PARD3: variants seen among roughly 807,000 people sequenced by gnomAD.
PARD3 encodes the protein partitioning defective 3 homolog.
In PARD3, 75 loss-of-function variants were observed where a neutral mutation model predicts 155.4. That is an observed-to-expected ratio of 0.48 (90% CI 0.40 to 0.58). The LOEUF is 0.58. Ranked by LOEUF, PARD3 falls within the 20% of genes least tolerant of loss-of-function variation. The pLI is 0.00. For missense variants in PARD3, 1,642 were observed against 1,721.7 expected, an observed-to-expected ratio of 0.95 and a Z score of 0.82; for synonymous variants, 576 against 610.5, an observed-to-expected ratio of 0.94 and a Z score of 0.83.
At chr10:34,179,168 G>GCACACA (rs72378504) in intron 22 of PARD3, among the ~76,000 whole-genome samples, 62 of 94,570 alleles carry the variant, frequency 6.6e-4, no homozygotes, top group East Asian at 2.0e-3. Context: ...GTGCGTGCGC[G>GCACACA]CACACACACA....
chr10:34,470,114 C>G lies in PARD3; in HGVS notation c.553G>C (p.Ala185Pro), dbSNP rs1564748608. The G allele has an allele frequency of 1.9e-6, 3 of 1,611,930 alleles. No individual in the cohort carries two copies. The highest frequency in any genetic ancestry group is 2.5e-6 in the Non-Finnish European group (3 of 1,179,086). ...TTAGFLKQNTAGSPKTCDRKK... is the reference protein window; with the variant it reads ...TTAGFLKQNTPGSPKTCDRKK... The stretch of plus-strand genomic sequence containing the variant: ...CTGTCGCAGGTTTTAGGACTCCCAG[C>G]AGTGTTCTGCTTGAGGAAGCCAGCT... The change falls in exon 4 of 25, where the codon GCT becomes CCT. Residue 185 changes from alanine to proline, a missense_variant. Coordinates refer to ENST00000374788, the MANE Select transcript of PARD3 (RefSeq NM_001184785.2).
At chr10:34,216,983 T>C (rs1224822739) in intron 22 of PARD3, among the ~76,000 whole-genome samples, 2 of 152,238 alleles carry the variant, frequency 1.3e-5, no homozygotes, top group Non-Finnish European at 2.9e-5. Context: ...TTTATATAAA[T>C]ATTTGTCTCT....
chr10:34,772,037 T>C (rs989009987), intron 1 of PARD3, among the ~76,000 whole-genome samples: 4 of 152,150 alleles, frequency 2.6e-5, no homozygotes, highest in Admixed American at 6.6e-5. Context: ...CCTACATTCA[T>C]CTCGCCCAAC....
intron 20 of PARD3, among the ~76,000 whole-genome samples, chr10:34,295,965 C>T (rs192489657): frequency 1.2e-4 from 19 of 152,192 alleles, no homozygotes; most frequent in East Asian, 3.9e-4. Flanking sequence ...GTGAAGAACG[C>T]GGAAAGAAGG....
chr10:34,358,970 C>A (rs1839176504), intron 14 of PARD3, among the ~76,000 whole-genome samples, 177 bp downstream of exon 14: 1 of 152,108 alleles, frequency 6.6e-6, no homozygotes, highest in Non-Finnish European at 1.5e-5. Flanking sequence ...ATGTTGATCA[C>A]AAGAATTAAG....
intron 5 of PARD3, among the ~76,000 whole-genome samples, chr10:34,412,563 TCC>T (rs1434041145): frequency 7.2e-5 from 11 of 152,186 alleles, no homozygotes. Flanking sequence ...ACACAGAATG[TCC>T]ATTTCAACAG....
intron 22 of PARD3, among the ~76,000 whole-genome samples, chr10:34,133,998 C>T (rs1947753363): frequency 6.6e-6 from 1 of 152,204 alleles, no homozygotes; most frequent in Admixed American, 6.5e-5. Flanking sequence ...TGGCCTGGAA[C>T]ATTAAAGGTG....
intron 5 of PARD3, among the ~76,000 whole-genome samples, chr10:34,411,757 T>C (rs1279022349): frequency 1.3e-5 from 2 of 152,108 alleles, no homozygotes; most frequent in Non-Finnish European, 1.5e-5. Context: ...GATAGATAGA[T>C]AGATAGATAG....
At chr10:34,157,674 C>T (rs531080124) in intron 22 of PARD3, among the ~76,000 whole-genome samples, 5 of 152,284 alleles carry the variant, frequency 3.3e-5, no homozygotes, top group African/African-American at 1.2e-4. Flanking sequence ...ACTTGTGACT[C>T]ATATTTAAAA....
At chr10:34,425,676 C>T (rs1448283427) in intron 5 of PARD3, among the ~76,000 whole-genome samples, 1 of 152,160 alleles carries the variant, frequency 6.6e-6, no homozygotes, top group Non-Finnish European at 1.5e-5. Context: ...GGATTACAGG[C>T]GCATGTCCCT....
At chr10:34,806,437 C>T (rs1843394198) in intron 1 of PARD3, among the ~76,000 whole-genome samples, 1 of 152,120 alleles carries the variant, frequency 6.6e-6, no homozygotes, top group South Asian at 2.1e-4. Flanking sequence ...GATCCACCCA[C>T]CTCGGCCTCC....
intron 22 of PARD3, among the ~76,000 whole-genome samples, chr10:34,237,042 T>C (rs1352809600): frequency 6.6e-6 from 1 of 152,198 alleles, no homozygotes; most frequent in Admixed American, 6.5e-5. Flanking sequence ...TCAAGACAAC[T>C]AGCCTTTTAC....
At position 34,407,455 on chromosome 10, in the gene PARD3, C is replaced by T. The variant is rs530955528; in HGVS notation, c.715-5538G>A. ...CACATCAGGAAGTTGCAAGAGCTAC[C>T]ATGGCTGAAAAGCCTCATGCCCCAG... On this transcript the variant is annotated intron_variant, in intron 5 of 24. Transcript: ENST00000374788. 2.0e-5 allele frequency among the ~76,000 whole-genome samples: 3 copies of T among 152,310 alleles called. No individual in the cohort carries two copies. In the South Asian group the frequency reaches 6.2e-4, roughly 32 times the overall value.
intron 21 of PARD3, among the ~76,000 whole-genome samples, chr10:34,283,883 G>A (rs542403868): frequency 6.6e-6 from 1 of 150,536 alleles, no homozygotes; most frequent in South Asian, 2.1e-4. Context: ...CTAATATGCT[G>A]TTCTATTTCC....
intron 22 of PARD3, among the ~76,000 whole-genome samples, chr10:34,178,801 G>A (rs1950143644): frequency 1.3e-5 from 2 of 152,176 alleles, no homozygotes; most frequent in African/African-American, 4.8e-5. Flanking sequence ...TTGCTTAGTG[G>A]TCACCTAATA....
At position 34,157,582 on chromosome 10, in the gene PARD3, T is replaced by C. The variant is rs1033066930; in HGVS notation, c.3420-25999A>G. On this transcript the variant is annotated intron_variant, in intron 22 of 24. Coordinates refer to ENST00000374788, the MANE Select transcript of PARD3 (RefSeq NM_001184785.2). The stretch of plus-strand genomic sequence containing the variant: ...AGTCCATGTACAATAATTTTCCCCA[T>C]AAAACTAACTAGCAAGGATTCCCTA... Among the ~76,000 whole-genome samples the C allele has an allele frequency of 3.2e-4, 48 of 152,190 alleles. 1 individual carries two copies.
chr10:34,407,864 C>T (rs1844657229), intron 5 of PARD3, among the ~76,000 whole-genome samples: 1 of 151,502 alleles, frequency 6.6e-6, no homozygotes, highest in Admixed American at 6.6e-5. Context: ...AATCCAAAAA[C>T]TTAAGTGATC....
intron 20 of PARD3, among the ~76,000 whole-genome samples, chr10:34,307,955 AG>A (rs1229436152): frequency 6.6e-6 from 1 of 152,180 alleles, no homozygotes; most frequent in African/African-American, 2.4e-5. Flanking sequence ...TCAGGGTGAG[AG>A]GGAGCAGAGT....
At chr10:34,487,257 A>G (rs2079540614) in intron 3 of PARD3, among the ~76,000 whole-genome samples, 2 of 152,084 alleles carry the variant, frequency 1.3e-5, no homozygotes, top group Admixed American at 1.3e-4. Context: ...AAAGGTTTCT[A>G]CAGACTAAGT....
Sources: gnomAD v4.1 joint callset for allele counts (sites outside exome capture counted in the v4.1 genomes callset) on GRCh38, gnomAD v4.1.1 for gene constraint, MANE v1.5 for transcripts, NCBI Gene and HGNC (gene_info 2026-07-23, HGNC 2026-07-21) for gene names.